Variants in RNF17 observed in about 807,000 individuals in gnomAD.
The protein encoded by RNF17 is ring finger protein 17.
RNF17 carries 31 observed loss-of-function variants against 200.5 expected under a neutral mutation model. That is an observed-to-expected ratio of 0.15 (90% CI 0.12 to 0.21). The LOEUF (loss-of-function observed/expected upper bound fraction) is 0.21. RNF17 is among the 10% of genes least tolerant of loss of function. The pLI, the probability that RNF17 is intolerant of heterozygous loss-of-function variation, is 1.00. For synonymous variants in RNF17, 606 were observed against 637.8 expected, an observed-to-expected ratio of 0.95 and a Z score of 0.75; for missense variants, 1,628 against 1,905.1, an observed-to-expected ratio of 0.85 and a Z score of 2.71.
At chr13:24,803,409 A>G (rs1307189723) in intron 14 of RNF17, among the ~76,000 whole-genome samples, 1 of 152,044 alleles carries the variant, frequency 6.6e-6, no homozygotes, top group Admixed American at 6.6e-5. Flanking sequence ...GGTGATTCTC[A>G]TGTCTCAGCC....
At chr13:24,797,322 G>A (rs539719204) in intron 11 of RNF17, among the ~76,000 whole-genome samples, 2 of 152,282 alleles carry the variant, frequency 1.3e-5, no homozygotes, top group South Asian at 4.1e-4. Flanking sequence ...TGAGAAATTA[G>A]TGATAAGGGA....
chr13:24,784,302 A>G (rs1294082284), intron 6 of RNF17, among the ~76,000 whole-genome samples: 1 of 152,218 alleles, frequency 6.6e-6, no homozygotes, highest in Non-Finnish European at 1.5e-5. Context: ...ATCAATAGTT[A>G]TAAATGATAC....
At chr13:24,862,862 G>A in intron 28 of RNF17, 69 bp downstream of exon 28, 1 of 921,320 alleles carries the variant, frequency 1.1e-6, no homozygotes, top group East Asian at 2.6e-5. Flanking sequence ...ATAATTTGAG[G>A]GATATTTTTG....
intron 5 of RNF17, 102 bp from the exon 6 acceptor site, chr13:24,781,742 T>G (rs1882399387): frequency 7.0e-6 from 5 of 713,136 alleles, no homozygotes; most frequent in Non-Finnish European, 1.2e-5. Flanking sequence ...TCTTGTGTTA[T>G]TTTGAAGAGT....
rs771946472 is a variant in RNF17 at position 24,799,571 on chromosome 13, C to G, written c.1576C>G (p.Leu526Val). The G allele has an allele frequency of 6.3e-7, 1 of 1,591,828 alleles. No individual in the cohort carries two copies. The highest frequency in any genetic ancestry group is 8.6e-7 in the Non-Finnish European group (1 of 1,161,848). Residue 526 changes from leucine to valine, a missense_variant, in exon 12 of 36, where the codon CTG (leucine) becomes GTG (valine). Transcript: ENST00000255324. ...GGTAGATTTTGGAAATTCTGAAGTC[C>G]TGATTGTCACTGGGTATGATATTTT... ...FMVDFGNSEVLIVTGVVDTHV... is the reference protein window; with the variant it reads ...FMVDFGNSEVVIVTGVVDTHV...
intron 25 of RNF17, among the ~76,000 whole-genome samples, chr13:24,854,632 C>T (rs976787097): frequency 2.6e-5 from 4 of 151,930 alleles, no homozygotes; most frequent in African/African-American, 9.7e-5. Context: ...GTGATAACTA[C>T]ATGAAGTTAA....
intron 4 of RNF17, among the ~76,000 whole-genome samples, chr13:24,778,959 T>C (rs1813582): frequency 0.86 from 130,709 of 152,232 alleles, 56,206 homozygotes; most frequent in Middle Eastern, 0.93. Flanking sequence ...GAGACCAAGA[T>C]GGGTAGATCA....
chr13:24,765,707 G>C (rs1853873700), intron 1 of RNF17, among the ~76,000 whole-genome samples: 1 of 152,186 alleles, frequency 6.6e-6, no homozygotes. Flanking sequence ...CTAAACTGGA[G>C]AAGTAGTGGT....
At chr13:24,801,756 C>A (rs1885271246) in intron 13 of RNF17, among the ~76,000 whole-genome samples, 1 of 152,036 alleles carries the variant, frequency 6.6e-6, no homozygotes, top group Admixed American at 6.6e-5. Flanking sequence ...TTAGGCATAC[C>A]TATACTTTCA....
At chr13:24,860,583 C>T (rs1422840834) in intron 26 of RNF17, among the ~76,000 whole-genome samples, 1 of 152,030 alleles carries the variant, frequency 6.6e-6, no homozygotes, top group East Asian at 1.9e-4. Flanking sequence ...TCCAATTAAA[C>T]AGTGATATGT....
intron 16 of RNF17, among the ~76,000 whole-genome samples, chr13:24,827,140 C>A (rs1316881932): frequency 1.3e-5 from 2 of 151,872 alleles, no homozygotes; most frequent in Admixed American, 1.3e-4. Flanking sequence ...CCATGTTGGT[C>A]AGGCTGGTCT....
chr13:24,870,513 T>C, intron 31 of RNF17, 58 bp from the exon 32 acceptor site: 1 of 1,496,494 alleles, frequency 6.7e-7, no homozygotes, highest in African/African-American at 1.4e-5. Flanking sequence ...TTTGTCCACA[T>C]ACGTGAATTC....
At chr13:24,850,251 G>A (rs1891725428) in intron 22 of RNF17, 90 bp from the exon 23 acceptor site, 1 of 748,986 alleles carries the variant, frequency 1.3e-6, no homozygotes, top group Admixed American at 2.2e-5. Context: ...CAAACTATGA[G>A]TGTATCTGTG....
chr13:24,789,325 A>G lies in RNF17; in HGVS notation c.784-23A>G, dbSNP rs764439132. On this transcript the variant is annotated intron_variant, in intron 7 of 35. Coordinates refer to ENST00000255324, the MANE Select transcript of RNF17 (RefSeq NM_031277.3). Reference sequence around the variant, plus strand: ...TATTTGTGACAAGATTCACACATGAATGATTTTTTTTTTAAATTCTAGATT... The same window carrying G: ...TATTTGTGACAAGATTCACACATGAGTGATTTTTTTTTTAAATTCTAGATT... The G allele has an allele frequency of 2.7e-6, 4 of 1,474,480 alleles. No homozygotes were observed. In the South Asian group the frequency reaches 3.5e-5, roughly 13 times the overall value. 91.3% of individuals were successfully genotyped at this position (1,474,480 alleles called of 1,614,324 possible). A position where few individuals can be genotyped will look rare whatever the true frequency, so the allele number is the denominator to read the frequency against.
At chr13:24,883,413 T>G (rs1953922749), downstream of RNF17, 1 of 1,438,318 alleles carries the variant, frequency 7.0e-7, no homozygotes, top group Non-Finnish European at 9.5e-7. Context: ...AAAAAAATAA[T>G]AGAAAATAAA....
At position 24,764,244 on chromosome 13, in the gene RNF17, C is replaced by T. The variant is rs530487847; in HGVS notation, c.41C>T (p.Ser14Phe). ...EASKTGPSRSSYQRMGRKSQP... is the reference protein window; with the variant it reads ...EASKTGPSRSFYQRMGRKSQP... ...TCGAAGACTGGGCCTTCTAGGTCTT[C>T]CTACCAGCGAATGGGGAGGAAGAGT... The change falls in exon 1 of 36, where the codon TCC becomes TTC. Residue 14 changes from serine to phenylalanine, a missense_variant. Physicochemically the swap from Ser to Phe is radical, Grantham distance 155. Around this residue, in one of 5 missense-constraint regions of RNF17, gnomAD observed 502 missense variants for 501.7 expected, o/e 1.00. Coordinates refer to ENST00000255324, the MANE Select transcript of RNF17 (RefSeq NM_031277.3). 3.7e-6 allele frequency: 6 copies of T among 1,609,130 alleles called. No homozygotes were observed. Among genetic ancestry groups the T allele is most frequent in the East Asian group, 2.2e-5 (1 of 44,806 alleles).
Position 24,854,155 on chromosome 13 carries a change from C to T in RNF17, c.3610+11C>T, listed in dbSNP as rs1892228937. ...TACCTAAACTATCAGGTGAGACCTT[C>T]TATGTTATGTAGGCTCTAGTTCTCT... is the stretch of plus-strand genomic sequence containing the variant. On this transcript the variant is annotated intron_variant, in intron 25 of 35. Transcript: ENST00000255324. 6.3e-7 allele frequency: 1 copy of T among 1,594,344 alleles called. No individual in the cohort carries two copies. Among genetic ancestry groups the T allele is most frequent in the Non-Finnish European group, 8.6e-7 (1 of 1,166,484 alleles).
At chr13:24,753,632 G>C in the RNF17 span, among the ~76,000 whole-genome samples, 1 of 152,198 alleles carries the variant, frequency 6.6e-6, no homozygotes, top group African/African-American at 2.4e-5. Context: ...AATTAAGCTA[G>C]AGTAGAAGGG....
At chr13:24,767,538 A>G (rs1246404732) in intron 2 of RNF17, among the ~76,000 whole-genome samples, 172 bp downstream of exon 2, 1 of 152,162 alleles carries the variant, frequency 6.6e-6, no homozygotes. Flanking sequence ...TCACGAGATC[A>G]AGAGATCAAG....
Sources: allele counts gnomAD v4.1 joint callset (sites outside exome capture counted in the v4.1 genomes callset), GRCh38; gene constraint gnomAD v4.1.1; regional missense constraint gnomAD v4.1.1; transcripts MANE v1.5; gene names NCBI Gene and HGNC (gene_info 2026-07-23, HGNC 2026-07-21).